The following BFAR variants were observed in gnomAD, a reference collection of about 807,000 sequenced individuals.
BFAR encodes the protein RING finger protein 47.
BFAR carries 52 observed loss-of-function variants against 54.4 expected under a neutral mutation model. The ratio of observed to expected loss-of-function variants is 0.96; its 90% CI spans 0.77 to 1.21. The LOEUF is 1.21. Among genes scored for constraint, BFAR ranks in the 50% most tolerant of loss-of-function variants. The probability of loss-of-function intolerance (pLI) is 0.00; values close to 1 mark genes in which losing one functional copy is unlikely to be tolerated. For synonymous variants in BFAR, 215 were observed against 204.3 expected (o/e 1.05, Z -0.45); for missense variants, 571 against 534.0 (o/e 1.07, Z -0.68).
chr16:14,655,218 C>T lies in BFAR; in HGVS notation c.783+8C>T. Reference sequence around the variant, plus strand: ...AATCTCTGGGAATATAAGGTGAACACTTTAATTTTTTTTTTTTTTTTTTAC... The same window carrying T: ...AATCTCTGGGAATATAAGGTGAACATTTTAATTTTTTTTTTTTTTTTTTAC... On this transcript the variant is annotated splice_region_variant and intron_variant, in intron 5 of 7. Transcript: ENST00000261658. The T allele has an allele frequency of 1.5e-6, 2 of 1,323,440 alleles. No individual in the cohort carries two copies. The highest frequency in any genetic ancestry group is 2.8e-5 in the East Asian group (1 of 35,870). 82.0% of individuals were successfully genotyped at this position (1,323,440 alleles called of 1,614,324 possible).
At position 14,644,575 on chromosome 16, in the gene BFAR, T is replaced by C; in HGVS notation, c.229T>C (p.Trp77Arg). The change falls in exon 2 of 8, where the codon TGG (tryptophan) becomes CGG (arginine). Residue 77 changes from tryptophan (W) to arginine (R), a missense_variant. Transcript: ENST00000261658. The stretch of plus-strand genomic sequence containing the variant: ...AGAATGTCCAGAATGCAGAGAAAAA[T>C]GGGAAGGTTTCCCCAAAGTCAGTAT... ...KTECPECREK[W>R]EGFPKVSILL... 3 of 1,613,656 alleles carry C rather than the reference T, an allele frequency of 1.9e-6. No homozygotes were observed. The East Asian group carries it at 6.7e-5, about 36-fold the overall frequency.
At chr16:14,648,222 T>C (rs771655438) in intron 2 of BFAR, among the ~76,000 whole-genome samples, 166 bp from the exon 3 acceptor site, 12 of 152,096 alleles carry the variant, frequency 7.9e-5, no homozygotes, top group Non-Finnish European at 1.6e-4. Flanking sequence ...ACCTAATAGA[T>C]TATTTCAGAT....
At chr16:14,651,045 T>TG (rs1284746752) in intron 4 of BFAR, among the ~76,000 whole-genome samples, 1 of 152,166 alleles carries the variant, frequency 6.6e-6, no homozygotes, top group Non-Finnish European at 1.5e-5. Flanking sequence ...ACCAAATATG[T>TG]GGGGTTCTCC....
chr16:14,648,340 A>G, intron 2 of BFAR, 48 bp from the exon 3 acceptor site: 1 of 1,483,854 alleles, frequency 6.7e-7, no homozygotes, highest in African/African-American at 1.4e-5. Context: ...TCTAAACATG[A>G]TATTTAGTCA....
chr16:14,636,528 G>A (rs181434517), intron 1 of BFAR, among the ~76,000 whole-genome samples: 2 of 152,312 alleles, frequency 1.3e-5, no homozygotes, highest in East Asian at 1.9e-4. Context: ...CAGCCCTAAG[G>A]CGGTTTTCCC....
At chr16:14,648,039 A>T (rs551801845) in intron 2 of BFAR, among the ~76,000 whole-genome samples, 1 of 152,138 alleles carries the variant, frequency 6.6e-6, no homozygotes, top group Non-Finnish European at 1.5e-5. Flanking sequence ...CAGGAGTTCA[A>T]TACCAGCCTG....
chr16:14,667,629 T>G lies in BFAR; in HGVS notation c.1161-6T>G. Reference sequence around the variant, plus strand: ...TCCGATTCAGCCTCTTCTCTTCTTGTTTCAGGACCGTGCCTCAGAGGATGT... The same window carrying G: ...TCCGATTCAGCCTCTTCTCTTCTTGGTTCAGGACCGTGCCTCAGAGGATGT... On this transcript the variant is annotated splice_polypyrimidine_tract_variant and splice_region_variant and intron_variant, in intron 7 of 7. Coordinates refer to ENST00000261658, the MANE Select transcript of BFAR (RefSeq NM_016561.3). 1.2e-6 allele frequency: 2 copies of G among 1,612,882 alleles called. No homozygotes were observed. Among genetic ancestry groups the G allele is most frequent in the Non-Finnish European group, 1.7e-6 (2 of 1,179,428 alleles).
chr16:14,636,638 A>T (rs1320002735), intron 1 of BFAR, among the ~76,000 whole-genome samples: 1 of 152,178 alleles, frequency 6.6e-6, no homozygotes, highest in East Asian at 1.9e-4. Flanking sequence ...GCTCAACTGC[A>T]AAGAGGCATG....
intron 5 of BFAR, among the ~76,000 whole-genome samples, chr16:14,659,234 G>GTTTTTTTTTTTTTTTTT (rs1468503605): frequency 7.0e-6 from 1 of 142,774 alleles, no homozygotes; most frequent in African/African-American, 2.6e-5. Flanking sequence ...GGTTTTTTTT[G>GTTTTTTTTTTTTTTTTT]TTTTTTTTTG....
intron 2 of BFAR, among the ~76,000 whole-genome samples, chr16:14,644,970 A>G (rs1320756842): frequency 4.6e-5 from 7 of 152,196 alleles, no homozygotes; most frequent in Non-Finnish European, 1.0e-4. Context: ...ATTATTTATT[A>G]TGAATGAAGG....
At chr16:14,657,209 G>A (rs982743540) in intron 5 of BFAR, among the ~76,000 whole-genome samples, 3 of 151,994 alleles carry the variant, frequency 2.0e-5, no homozygotes, top group African/African-American at 7.2e-5. Flanking sequence ...GAAATAGAAT[G>A]TTTGTTATTT....
At chr16:14,667,595 A>T in intron 7 of BFAR, 40 bp from the exon 8 acceptor site, 1 of 1,580,456 alleles carries the variant, frequency 6.3e-7, no homozygotes, top group Non-Finnish European at 8.6e-7. Context: ...TGTGGTCATG[A>T]GAAGCGCCTC....
intron 6 of BFAR, among the ~76,000 whole-genome samples, chr16:14,662,897 T>C (rs1370817973): frequency 6.6e-6 from 1 of 152,074 alleles, no homozygotes; most frequent in Non-Finnish European, 1.5e-5. Context: ...CCTGTCCCTT[T>C]TAAGGGCTCA....
chr16:14,667,264 C>T (rs926967226), intron 7 of BFAR: 1 of 195,150 alleles, frequency 5.1e-6, no homozygotes, highest in Non-Finnish European at 1.0e-5. Context: ...CACTTGAGAC[C>T]TGGAGGTCAA....
At chr16:14,635,540 C>G (rs1028130628) in intron 1 of BFAR, among the ~76,000 whole-genome samples, 2 of 152,076 alleles carry the variant, frequency 1.3e-5, no homozygotes, top group African/African-American at 4.8e-5. Context: ...AGGGCAGGCT[C>G]CAGCGAGAGC....
At chr16:14,651,301 G>T (rs1045089329) in intron 4 of BFAR, among the ~76,000 whole-genome samples, 1 of 152,116 alleles carries the variant, frequency 6.6e-6, no homozygotes, top group Non-Finnish European at 1.5e-5. Context: ...AAGGAAACAC[G>T]TACTTTCACT....
intron 1 of BFAR, among the ~76,000 whole-genome samples, chr16:14,643,149 C>T (rs903077592): frequency 1.3e-5 from 2 of 152,132 alleles, no homozygotes; most frequent in East Asian, 3.9e-4. Context: ...CCCGTCTCTA[C>T]TAAAAATACA....
At chr16:14,634,051 C>T (rs1038035205) in intron 1 of BFAR, among the ~76,000 whole-genome samples, 6 of 152,186 alleles carry the variant, frequency 3.9e-5, no homozygotes, top group Non-Finnish European at 5.9e-5. Flanking sequence ...GAGGCAGCAT[C>T]CCAGCTTCCG....
chr16:14,654,461 G>T (rs1960063865), intron 4 of BFAR, among the ~76,000 whole-genome samples: 1 of 150,020 alleles, frequency 6.7e-6, no homozygotes, highest in East Asian at 1.9e-4. Context: ...AGTGCCTTGG[G>T]AAAGTCACCT....
Sources: gnomAD v4.1 joint callset for allele counts (sites outside exome capture counted in the v4.1 genomes callset) on GRCh38, gnomAD v4.1.1 for gene constraint, MANE v1.5 for transcripts, NCBI Gene and HGNC (gene_info 2026-07-23, HGNC 2026-07-21) for gene names.